The following TMCO4 variants were observed in gnomAD, a reference collection of about 807,000 sequenced individuals.
TMCO4 encodes the protein transmembrane and coiled-coil domain-containing protein 4.
Under a neutral mutation model 64.7 loss-of-function variants are expected in TMCO4, and 58 were observed. The ratio of observed to expected loss-of-function variants is 0.90; its 90% confidence interval spans 0.73 to 1.12. TMCO4 has a LOEUF of 1.12. Among genes scored for constraint, TMCO4 ranks in the 50% most tolerant of loss-of-function variants. The probability of loss-of-function intolerance (pLI) is 0.00; values close to 1 mark genes in which losing one functional copy is unlikely to be tolerated. For synonymous variants in TMCO4, 325 were observed against 346.1 expected (o/e 0.94, Z 0.68); for missense variants, 780 against 825.9 (o/e 0.94, Z 0.68).
At position 19,718,080 on chromosome 1, in the gene TMCO4, T is replaced by C. The variant is rs530928973; in HGVS notation, c.1265-17195A>G. On this transcript the variant is annotated intron_variant, in intron 13 of 15. Coordinates refer to ENST00000294543, the MANE Select transcript of TMCO4 (RefSeq NM_181719.7). ...AGGCGCAGTGACTCATGCCTATAATTGTAGCACTTAGGGATGCTAAGGCAG... is the reference window on the plus strand; with the variant it reads ...AGGCGCAGTGACTCATGCCTATAATCGTAGCACTTAGGGATGCTAAGGCAG... Among the ~76,000 whole-genome samples, 213 of 152,180 alleles carry C rather than the reference T, an allele frequency of 1.4e-3. 1 individual carries two copies. The highest frequency in any genetic ancestry group is 4.8e-3 in the African/African-American group (199 of 41,544).
chr1:19,778,536 A>T (rs1274252541), intron 4 of TMCO4, among the ~76,000 whole-genome samples: 2 of 152,154 alleles, frequency 1.3e-5, no homozygotes, highest in Admixed American at 6.5e-5. Context: ...AAGTGGTAGG[A>T]TTACAGGCGT....
chr1:19,752,539 C>T (rs2042064400), intron 7 of TMCO4, among the ~76,000 whole-genome samples: 1 of 152,202 alleles, frequency 6.6e-6, no homozygotes, highest in Admixed American at 6.5e-5. Flanking sequence ...TCCTCACCAC[C>T]ACCTTCTGTT....
chr1:19,691,973 G>T (rs143839852), intron 15 of TMCO4, among the ~76,000 whole-genome samples: 2 of 152,150 alleles, frequency 1.3e-5, no homozygotes, highest in Admixed American at 6.5e-5. Context: ...CATGTAAGAC[G>T]TGCCTTTCAC....
chr1:19,796,731 T>C lies in TMCO4; in HGVS notation c.-101+1406A>G, dbSNP rs905610748. Among the ~76,000 whole-genome samples the C allele has an allele frequency of 3.3e-5, 5 of 152,194 alleles. No individual in the cohort carries two copies. The South Asian group carries it at 6.2e-4, about 19-fold the overall frequency. ...CTGGGACTACAGGTGCATGCCACCATGCCCAGCTAATTTTTGCATTTTTAG... is the reference window on the plus strand; with the variant it reads ...CTGGGACTACAGGTGCATGCCACCACGCCCAGCTAATTTTTGCATTTTTAG... On this transcript the variant is annotated intron_variant, in intron 2 of 15. Transcript: ENST00000294543.
intron 12 of TMCO4, 111 bp from the exon 13 acceptor site, chr1:19,737,567 A>G (rs1444387811): frequency 2.9e-5 from 26 of 908,166 alleles, no homozygotes; most frequent in Non-Finnish European, 4.5e-5. Context: ...ATTCTCATCT[A>G]ATGAATCATG....
intron 13 of TMCO4, among the ~76,000 whole-genome samples, chr1:19,704,038 C>T (rs1292389585): frequency 6.6e-6 from 1 of 152,198 alleles, no homozygotes; most frequent in African/African-American, 2.4e-5. Flanking sequence ...AGAGTGCTTT[C>T]AGTGGTTTTC....
At chr1:19,706,549 CAT>C (rs1462471326) in intron 13 of TMCO4, among the ~76,000 whole-genome samples, 1 of 152,178 alleles carries the variant, frequency 6.6e-6, no homozygotes, top group East Asian at 1.9e-4. Context: ...GGAGTCGAGT[CAT>C]AGACATGTAG....
rs2095116515 is a variant in TMCO4 at position 19,683,213 on chromosome 1, C to T, written c.1732G>A (p.Asp578Asn). Residue 578 changes from aspartate to asparagine, a missense_variant, in exon 16 of 16, where the codon GAC becomes AAC. Asp to Asn is a conservative substitution (Grantham distance 23, BLOSUM62 1). Coordinates refer to ENST00000294543, the MANE Select transcript of TMCO4 (RefSeq NM_181719.7). ...GDTSKLAMST[D>N]PSQAQVPVGL... ...ACTGGCACCTGGGCTTGGCTGGGGT[C>T]TGTGGACATGGCCAATTTGGAGGTG... is the stretch of plus-strand genomic sequence containing the variant. 2 of 1,614,106 alleles carry T rather than the reference C, an allele frequency of 1.2e-6. No individual in the cohort carries two copies. Among genetic ancestry groups the T allele is most frequent in the Admixed American group, 3.3e-5 (2 of 60,012 alleles).
At chr1:19,685,085 G>A (rs7515254) in intron 15 of TMCO4, among the ~76,000 whole-genome samples, 5,582 of 152,280 alleles carry the variant, frequency 0.037, 281 homozygotes, top group African/African-American at 0.12. Context: ...AGCACTTTGG[G>A]AGGCCAAGGT....
At chr1:19,737,107 C>G (rs2095458224) in intron 13 of TMCO4, among the ~76,000 whole-genome samples, 1 of 152,210 alleles carries the variant, frequency 6.6e-6, no homozygotes, top group Non-Finnish European at 1.5e-5. Context: ...TTCATTCCCA[C>G]TTGGGAAAGT....
intron 4 of TMCO4, among the ~76,000 whole-genome samples, chr1:19,771,938 G>T (rs753330027): frequency 6.6e-6 from 1 of 152,132 alleles, no homozygotes; most frequent in African/African-American, 2.4e-5. Context: ...GATTACAAGC[G>T]TGAGACACCG....
intron 1 of TMCO4, among the ~76,000 whole-genome samples, chr1:19,798,887 T>C (rs1266360978): frequency 6.6e-6 from 1 of 152,230 alleles, no homozygotes; most frequent in South Asian, 2.1e-4. Context: ...AAATGGATGT[T>C]CCCAAAGCTT....
chr1:19,690,994 G>T (rs1049432226), intron 15 of TMCO4, among the ~76,000 whole-genome samples: 2 of 147,872 alleles, frequency 1.4e-5, no homozygotes, highest in African/African-American at 5.0e-5. Flanking sequence ...TCAGCCTCCC[G>T]AGTAGCTGGG....
chr1:19,784,559 A>T (rs1041737495), intron 3 of TMCO4, among the ~76,000 whole-genome samples: 10 of 152,094 alleles, frequency 6.6e-5, no homozygotes, highest in African/African-American at 2.4e-4. Flanking sequence ...TAATAAAGCT[A>T]AACTCAGACC....
rs1159040773 is a variant in TMCO4 at position 19,682,964 on chromosome 1, C to T, written c.*76G>A. ...GTGGAAATCCTGTACCTCCAGAGCT[C>T]CTGGGAGGAACCCGAGGGTATAAGA... is the stretch of plus-strand genomic sequence containing the variant. On this transcript the variant is annotated 3_prime_UTR_variant, in exon 16 of 16. Coordinates refer to ENST00000294543, the MANE Select transcript of TMCO4 (RefSeq NM_181719.7). The T allele has an allele frequency of 6.0e-6, 9 of 1,506,282 alleles. No individual in the cohort carries two copies. The highest frequency in any genetic ancestry group is 8.0e-6 in the Non-Finnish European group (9 of 1,124,494). 93.3% of individuals were successfully genotyped at this position (1,506,282 alleles called of 1,614,324 possible). A position where few individuals can be genotyped will look rare whatever the true frequency, so the allele number is the denominator to read the frequency against.
In TMCO4 at chr1:19,701,079, T is replaced by TACTCCATGA. The variant is rs1262895908; in HGVS notation, c.1265-195_1265-194insTCATGGAGT. ...ATGCATGGATAGGCATGGAGGCTTC[T>TACTCCATGA]ACCTACTGAGTTCCAGAACCTGAAT... is the stretch of plus-strand genomic sequence containing the variant. On this transcript the variant is annotated intron_variant, in intron 13 of 15. Transcript: ENST00000294543. 5 of 526,602 alleles carry TACTCCATGA rather than the reference T, an allele frequency of 9.5e-6. 1 individual carries two copies. Among genetic ancestry groups the TACTCCATGA allele is most frequent in the African/African-American group, 3.9e-5 (2 of 50,952 alleles). The allele number at this position is 526,602 out of a possible 1,614,324, so 32.6% of individuals were successfully genotyped here. A position where few individuals can be genotyped will look rare whatever the true frequency, so the allele number is the denominator to read the frequency against.
chr1:19,692,575 CAAAA>C (rs532713684), intron 15 of TMCO4, among the ~76,000 whole-genome samples: 1 of 63,956 alleles, frequency 1.6e-5, no homozygotes, highest in Non-Finnish European at 4.2e-5. Flanking sequence ...ATTAAAAATA[CAAAA>C]AAAAAAAAAA....
At chr1:19,773,599 G>C (rs76771306) in intron 4 of TMCO4, among the ~76,000 whole-genome samples, 1 of 152,168 alleles carries the variant, frequency 6.6e-6, no homozygotes, top group African/African-American at 2.4e-5. Flanking sequence ...GCCAGCAGCT[G>C]GGGGTGAAAG....
chr1:19,702,286 A>AG (rs1491134878), intron 13 of TMCO4, among the ~76,000 whole-genome samples: 2 of 41,290 alleles, frequency 4.8e-5, no homozygotes, highest in African/African-American at 4.1e-4. Context: ...TTGTCTTTAC[A>AG]AAAAAAAAAA....
Sources: gnomAD v4.1 joint callset for allele counts (sites outside exome capture counted in the v4.1 genomes callset) on GRCh38, gnomAD v4.1.1 for gene constraint, MANE v1.5 for transcripts, NCBI Gene and HGNC (gene_info 2026-07-23, HGNC 2026-07-21) for gene names.